Variants in CTNNA2 observed in about 807,000 individuals in gnomAD.
CTNNA2 encodes the protein catenin alpha 2, also known as catenin alpha-2.
A neutral mutation model predicts 101.0 loss-of-function variants in CTNNA2; 42 were observed. That is an observed-to-expected ratio of 0.42 (90% CI 0.32 to 0.54). The LOEUF (loss-of-function observed/expected upper bound fraction) is 0.54, where lower values mean the gene tolerates loss of function less well. CTNNA2 is among the 20% of genes least tolerant of loss of function. The probability of loss-of-function intolerance (pLI) is 0.14; values close to 1 mark genes in which losing one functional copy is unlikely to be tolerated. For synonymous variants in CTNNA2, 450 were observed against 456.4 expected, an observed-to-expected ratio of 0.99 and a Z score of 0.18; for missense variants, 871 against 1,223.1, an observed-to-expected ratio of 0.71 and a Z score of 4.29.
chr2:80,043,018 C>CCTTTTTCTTT (rs1558754450), intron 7 of CTNNA2, among the ~76,000 whole-genome samples: 1 of 135,392 alleles, frequency 7.4e-6, no homozygotes, highest in African/African-American at 3.0e-5. Context: ...CCTTTCTTTC[C>CCTTTTTCTTT]CTTTCTTTCT....
intron 8 of CTNNA2, among the ~76,000 whole-genome samples, chr2:80,408,368 T>A (rs1489533949): frequency 2.0e-5 from 3 of 152,228 alleles, no homozygotes; most frequent in Non-Finnish European, 4.4e-5. Flanking sequence ...CTCGTCTCTA[T>A]ATCTTGCTTC....
Position 79,810,297 on chromosome 2 carries a change from C to T in CTNNA2, c.299-47716C>T, listed in dbSNP as rs535876215. On this transcript the variant is annotated intron_variant, in intron 3 of 18. Transcript: ENST00000402739. ...GCAAAAGGTCTTACATCACAGTTGG[C>T]GAGGGAGAATGAGAGCCAAGCGAAA... Among the ~76,000 whole-genome samples, 15 of 151,980 alleles carry T rather than the reference C, an allele frequency of 9.9e-5. No homozygotes were observed. In the South Asian group the frequency reaches 2.7e-3, roughly 27 times the overall value.
intron 7 of CTNNA2, among the ~76,000 whole-genome samples, chr2:80,179,848 A>G (rs1705659506): frequency 6.6e-6 from 1 of 152,154 alleles, no homozygotes; most frequent in Non-Finnish European, 1.5e-5. Context: ...CAGGTAGCCA[A>G]TGTGGGGGTT....
At chr2:79,330,712 T>C (rs1419706523) in intron 3 of CTNNA2, among the ~76,000 whole-genome samples, 1 of 152,166 alleles carries the variant, frequency 6.6e-6, no homozygotes, top group Admixed American at 6.5e-5. Context: ...AGAGATCTGA[T>C]GGTCTTATAA....
intron 7 of CTNNA2, among the ~76,000 whole-genome samples, chr2:79,935,478 C>G (rs1417489294): frequency 6.6e-6 from 1 of 152,008 alleles, no homozygotes; most frequent in Non-Finnish European, 1.5e-5. Flanking sequence ...TTTTTGACCC[C>G]ACACTCTCCT....
At chr2:79,710,490 G>T (rs190491172) in intron 2 of CTNNA2, among the ~76,000 whole-genome samples, 6 of 152,328 alleles carry the variant, frequency 3.9e-5, no homozygotes, top group African/African-American at 1.4e-4. Flanking sequence ...ATGACAGAGG[G>T]ATTGTGAATA....
chr2:79,975,495 G>T (rs965220965), intron 7 of CTNNA2, among the ~76,000 whole-genome samples: 2 of 152,084 alleles, frequency 1.3e-5, no homozygotes, highest in African/African-American at 2.4e-5. Context: ...CCTAGAGGTA[G>T]TGTCAGATCC....
intron 7 of CTNNA2, among the ~76,000 whole-genome samples, chr2:80,173,624 G>A (rs959404351): frequency 6.6e-6 from 1 of 152,170 alleles, no homozygotes; most frequent in African/African-American, 2.4e-5. Context: ...GCACTGGATG[G>A]TAAACACGTT....
At chr2:80,589,903 T>C (rs216631) in intron 15 of CTNNA2, among the ~76,000 whole-genome samples, 33,954 of 144,368 alleles carry the variant, frequency 0.24, 4,460 homozygotes, top group African/African-American at 0.35. Context: ...TGTGTGTGTG[T>C]GTGCGCGCGC....
intron 3 of CTNNA2, chr2:79,777,159 A>C (rs1270371313): frequency 6.6e-6 from 1 of 152,174 alleles, no homozygotes; most frequent in African/African-American, 2.4e-5. Context: ...AAGCTTGAGT[A>C]GGGTTCATGG....
At chr2:79,218,192 G>C in intron 2 of CTNNA2, among the ~76,000 whole-genome samples, 1 of 152,174 alleles carries the variant, frequency 6.6e-6, no homozygotes. Context: ...CAGGCTGCCT[G>C]CTGCATCTAG....
At chr2:79,909,219 A>G (rs933367824) in intron 6 of CTNNA2, among the ~76,000 whole-genome samples, 3 of 152,212 alleles carry the variant, frequency 2.0e-5, no homozygotes, top group African/African-American at 7.2e-5. Context: ...TTGATTATTT[A>G]TCATGTTTTA....
chr2:80,012,164 C>T lies in CTNNA2; in HGVS notation c.1056+102367C>T, dbSNP rs140679856. On this transcript the variant is annotated intron_variant, in intron 7 of 18. Coordinates refer to ENST00000402739, the MANE Select transcript of CTNNA2 (RefSeq NM_001282597.3). ...TCATTGGTCCCAGGGCTCTCATTGC[C>T]TACGACGGTGCCAAGCAGAGAGAAG... 2.2e-4 allele frequency among the ~76,000 whole-genome samples: 34 copies of T among 152,238 alleles called. 1 individual carries two copies. In the East Asian group the frequency reaches 6.6e-3, roughly 29 times the overall value.
intron 4 of CTNNA2, among the ~76,000 whole-genome samples, chr2:79,430,991 G>A (rs1332496883): frequency 6.6e-6 from 1 of 151,954 alleles, no homozygotes; most frequent in Admixed American, 6.6e-5. Flanking sequence ...TGTGCTCCTG[G>A]TGGAAAGGAA....
At chr2:80,593,639 C>T (rs1163080476) in intron 15 of CTNNA2, among the ~76,000 whole-genome samples, 2 of 152,160 alleles carry the variant, frequency 1.3e-5, no homozygotes, top group Non-Finnish European at 2.9e-5. Flanking sequence ...ATACTCTGTA[C>T]TTACTGAATG....
chr2:79,626,091 C>T (rs915495559), intron 1 of CTNNA2, among the ~76,000 whole-genome samples: 1 of 152,130 alleles, frequency 6.6e-6, no homozygotes, highest in Non-Finnish European at 1.5e-5. Flanking sequence ...GGTGGGAAAA[C>T]AAATCTCCTG....
chr2:79,726,419 A>G (rs1686841983), intron 2 of CTNNA2, among the ~76,000 whole-genome samples: 1 of 152,084 alleles, frequency 6.6e-6, no homozygotes, highest in Non-Finnish European at 1.5e-5. Flanking sequence ...GAGCGTTACC[A>G]CCTGAGCTCC....
At position 79,831,672 on chromosome 2, in the gene CTNNA2, C is replaced by T. The variant is rs137855523; in HGVS notation, c.299-26341C>T. 4.7e-3 allele frequency among the ~76,000 whole-genome samples: 709 copies of T among 150,936 alleles called. 6 individuals carry two copies. The highest frequency in any genetic ancestry group is 0.016 in the African/African-American group (663 of 41,094). On this transcript the variant is annotated intron_variant, in intron 3 of 18. Coordinates refer to ENST00000402739, the MANE Select transcript of CTNNA2 (RefSeq NM_001282597.3). Reference sequence around the variant, plus strand: ...GTAATTCAGCTATTTCCTCATGCCTCATTTCCAATTCCCGCTGTCATTTTT... The same window carrying T: ...GTAATTCAGCTATTTCCTCATGCCTTATTTCCAATTCCCGCTGTCATTTTT...
chr2:80,375,313 G>A (rs1475465344), intron 7 of CTNNA2, among the ~76,000 whole-genome samples: 1 of 152,094 alleles, frequency 6.6e-6, no homozygotes, highest in Non-Finnish European at 1.5e-5. Flanking sequence ...GGAGCTCTCA[G>A]GATGAGGAAG....
Sources: allele counts gnomAD v4.1 joint callset (sites outside exome capture counted in the v4.1 genomes callset), GRCh38; gene constraint gnomAD v4.1.1; transcripts MANE v1.5; gene names NCBI Gene and HGNC (gene_info 2026-07-23, HGNC 2026-07-21).